The following CAMK2A variants were observed in gnomAD, a reference collection of about 807,000 sequenced individuals.
The protein encoded by CAMK2A is calcium/calmodulin-dependent protein kinase type II subunit alpha.
A neutral mutation model predicts 79.2 loss-of-function variants in CAMK2A; 7 were observed. The observed-to-expected ratio is 0.09, with a 90% confidence interval of 0.05 to 0.17. The LOEUF (loss-of-function observed/expected upper bound fraction) is 0.17. Among genes scored for constraint, CAMK2A ranks in the 10% least tolerant of loss-of-function variants. The probability of loss-of-function intolerance (pLI) is 1.00; values close to 1 mark genes in which losing one functional copy is unlikely to be tolerated. For synonymous variants in CAMK2A, 242 were observed against 251.7 expected (o/e 0.96, Z 0.36); for missense variants, 214 against 646.4 (o/e 0.33, Z 7.25).
intron 18 of CAMK2A, 132 bp from the exon 19 acceptor site, chr5:150,222,845 G>A: frequency 7.2e-7 from 1 of 1,392,442 alleles, no homozygotes; most frequent in African/African-American, 1.4e-5. Flanking sequence ...CAGACCTGCA[G>A]GCCTGGCCCC....
intron 2 of CAMK2A, among the ~76,000 whole-genome samples, chr5:150,270,315 A>G (rs1442268178): frequency 1.3e-5 from 2 of 152,260 alleles, no homozygotes; most frequent in Non-Finnish European, 2.9e-5. Flanking sequence ...CAGGGATTAG[A>G]ACAGGCAAAA....
intron 6 of CAMK2A, among the ~76,000 whole-genome samples, chr5:150,253,967 T>G (rs2150282620): frequency 6.6e-6 from 1 of 152,336 alleles, no homozygotes; most frequent in Non-Finnish European, 1.5e-5. Context: ...CGGGTAGGTA[T>G]TATTACCTAC....
At chr5:150,231,056 G>A (rs752985739) in intron 16 of CAMK2A, among the ~76,000 whole-genome samples, 5 of 152,194 alleles carry the variant, frequency 3.3e-5, no homozygotes, top group Non-Finnish European at 7.3e-5. Context: ...TTCCTCCCAG[G>A]GAACAAGATG....
chr5:150,224,572 A>G (rs901933109), intron 17 of CAMK2A, among the ~76,000 whole-genome samples: 2 of 152,172 alleles, frequency 1.3e-5, no homozygotes, highest in Non-Finnish European at 2.9e-5. Context: ...TAAGGACTTA[A>G]AATCACCAAG....
At chr5:150,228,485 C>T (rs1254447423) in intron 16 of CAMK2A, among the ~76,000 whole-genome samples, 199 bp from the exon 17 acceptor site, 1 of 152,092 alleles carries the variant, frequency 6.6e-6, no homozygotes, top group Non-Finnish European at 1.5e-5. Flanking sequence ...TCCGGGAAGC[C>T]TGGGTTCAGG....
chr5:150,287,167 C>A (rs961417142), intron 1 of CAMK2A, among the ~76,000 whole-genome samples: 1 of 152,208 alleles, frequency 6.6e-6, no homozygotes, highest in Non-Finnish European at 1.5e-5. Flanking sequence ...CTTTTTAACA[C>A]AGACATCAGG....
At chr5:150,262,573 C>G (rs546034288) in intron 3 of CAMK2A, among the ~76,000 whole-genome samples, 1 of 152,258 alleles carries the variant, frequency 6.6e-6, no homozygotes, top group East Asian at 1.9e-4. Flanking sequence ...CAGTGCCTAG[C>G]AGAGACCTTG....
intron 2 of CAMK2A, 176 bp from the exon 3 acceptor site, chr5:150,265,191 A>G: frequency 3.3e-6 from 2 of 611,850 alleles, no homozygotes; most frequent in Non-Finnish European, 6.0e-6. Flanking sequence ...GGTGCAGTGG[A>G]AAGAGGAAGA....
intron 3 of CAMK2A, among the ~76,000 whole-genome samples, chr5:150,263,299 G>A (rs1756368545): frequency 6.6e-6 from 1 of 152,112 alleles, no homozygotes; most frequent in African/African-American, 2.4e-5. Flanking sequence ...TGAGGAGGCA[G>A]TGTTGACCTG....
chr5:150,226,746 G>A (rs370100997), intron 17 of CAMK2A, among the ~76,000 whole-genome samples: 29,659 of 86,858 alleles, frequency 0.34, 5,320 homozygotes, highest in East Asian at 0.6. Context: ...AAAAAAAAAG[G>A]GGGGGGGGGG....
Position 150,223,361 on chromosome 5 carries a change from C to A in CAMK2A, c.1238-144G>T. 2 of 645,174 alleles carry A rather than the reference C, an allele frequency of 3.1e-6. No individual in the cohort carries two copies. The highest frequency in any genetic ancestry group is 2.7e-6 in the Non-Finnish European group (1 of 367,654). 40.0% of individuals were successfully genotyped at this position (645,174 alleles called of 1,614,324 possible). A position where few individuals can be genotyped will look rare whatever the true frequency, so the allele number is the denominator to read the frequency against. On this transcript the variant is annotated intron_variant, in intron 17 of 18. Transcript: ENST00000671881. This position sits in a 1 kb window ranked among gnomAD's most constrained non-coding sequence, Gnocchi z 4.1. Reference sequence around the variant, plus strand: ...CAGGGAAGGGGCCTGTGTGGCAGGACTCAGCTACCTGGGATCAAGGTAGAA... The same window carrying A: ...CAGGGAAGGGGCCTGTGTGGCAGGAATCAGCTACCTGGGATCAAGGTAGAA...
At chr5:150,274,112 C>T (rs73268749) in intron 1 of CAMK2A, among the ~76,000 whole-genome samples, 5,382 of 152,282 alleles carry the variant, frequency 0.035, 103 homozygotes, top group Middle Eastern at 0.041. Flanking sequence ...TTTATATCTG[C>T]TAAAGAGACA....
At chr5:150,268,276 C>A (rs1278950352) in intron 2 of CAMK2A, among the ~76,000 whole-genome samples, 1 of 152,164 alleles carries the variant, frequency 6.6e-6, no homozygotes, top group African/African-American at 2.4e-5. Context: ...CTCACTGGGT[C>A]CGGCCTCACC....
chr5:150,279,865 C>T (rs1165813779), intron 1 of CAMK2A, among the ~76,000 whole-genome samples: 1 of 152,226 alleles, frequency 6.6e-6, no homozygotes, highest in Non-Finnish European at 1.5e-5. Flanking sequence ...TGGGAAATTG[C>T]TTTCTAGCTG....
intron 13 of CAMK2A, 100 bp downstream of exon 13, chr5:150,245,061 C>G: frequency 8.3e-7 from 1 of 1,211,372 alleles, no homozygotes; most frequent in Non-Finnish European, 1.2e-6. Flanking sequence ...CCCAGGACAC[C>G]ATCAGCAAGG....
rs751812927 is a variant in CAMK2A at position 150,284,871 on chromosome 5, G to A, written c.62+4693C>T. On this transcript the variant is annotated intron_variant, in intron 1 of 18. Coordinates refer to ENST00000671881, the MANE Select transcript of CAMK2A (RefSeq NM_015981.4). This position sits in a 1 kb window ranked among gnomAD's most constrained non-coding sequence, Gnocchi z 5.3. ...ATGGTCCTTACAATTCTGATGTTCC[G>A]GAGGTCTGCAATTTCCCATATGTGC... Among the ~76,000 whole-genome samples, 18 of 152,118 alleles carry A rather than the reference G, an allele frequency of 1.2e-4. No homozygotes were observed. The highest frequency in any genetic ancestry group is 2.9e-4 in the African/African-American group (12 of 41,404).
intron 3 of CAMK2A, among the ~76,000 whole-genome samples, chr5:150,260,105 T>C (rs1756238639): frequency 6.6e-6 from 1 of 152,212 alleles, no homozygotes. Flanking sequence ...CCTCTGTCCA[T>C]TGGTTTATTT....
chr5:150,230,317 C>CAA (rs1216883745), intron 16 of CAMK2A, among the ~76,000 whole-genome samples: 4,185 of 57,920 alleles, frequency 0.072, 161 homozygotes, highest in Middle Eastern at 0.19. Flanking sequence ...GACTCCGTCT[C>CAA]AAAAAAAAAA....
In CAMK2A at chr5:150,223,393, G is replaced by C. The variant is rs1461692063; in HGVS notation, c.1238-176C>G. Among the ~76,000 whole-genome samples, 2 of 152,232 alleles carry C rather than the reference G, an allele frequency of 1.3e-5. No individual in the cohort carries two copies. Among genetic ancestry groups the C allele is most frequent in the African/African-American group, 4.8e-5 (2 of 41,454 alleles). On this transcript the variant is annotated intron_variant, in intron 17 of 18. Transcript: ENST00000671881. The surrounding 1 kb of genome is among the most constrained non-coding windows in gnomAD (Gnocchi z 4.1). Reference sequence around the variant, plus strand: ...ACCTGGGATCAAGGTAGAACTTCTAGATGATGGGGACATCACATCCTAGTT... The same window carrying C: ...ACCTGGGATCAAGGTAGAACTTCTACATGATGGGGACATCACATCCTAGTT...
Sources: allele counts gnomAD v4.1 joint callset (sites outside exome capture counted in the v4.1 genomes callset), GRCh38; gene constraint gnomAD v4.1.1; non-coding constraint Gnocchi (gnomAD v3.1); transcripts MANE v1.5; gene names NCBI Gene and HGNC (gene_info 2026-07-23, HGNC 2026-07-21).